EXD3: variants seen among roughly 807,000 people sequenced by gnomAD.
EXD3 encodes exonuclease mut-7 homolog.
EXD3 carries 92 observed loss-of-function variants against 98.0 expected under a neutral mutation model. The observed-to-expected ratio is 0.94, with a 90% CI of 0.79 to 1.12. EXD3 has a LOEUF of 1.12. EXD3 is among the 50% of genes most tolerant of loss of function. The pLI is 0.00. For missense variants in EXD3, 1,222 were observed against 1,191.6 expected, an observed-to-expected ratio of 1.03 and a Z score of -0.38; for synonymous variants, 569 against 526.0, an observed-to-expected ratio of 1.08 and a Z score of -1.12.
intron 17 of EXD3, among the ~76,000 whole-genome samples, chr9:137,327,535 A>G (rs1467575064): frequency 6.6e-6 from 1 of 152,174 alleles, no homozygotes; most frequent in Admixed American, 6.5e-5. Flanking sequence ...ACACTTAAAA[A>G]TGGTTAAAAT....
chr9:137,388,080 G>A (rs1836699140), intron 2 of EXD3, among the ~76,000 whole-genome samples: 1 of 152,148 alleles, frequency 6.6e-6, no homozygotes, highest in South Asian at 2.1e-4. Flanking sequence ...AAAAACTCAA[G>A]CTCAAGAATA....
chr9:137,351,279 C>T (rs1230207247), intron 13 of EXD3, 39 bp downstream of exon 13: 2 of 1,583,568 alleles, frequency 1.3e-6, no homozygotes, highest in South Asian at 1.1e-5. Flanking sequence ...GGGCTGCTTT[C>T]TTTCTGGACT....
At chr9:137,335,201 G>C (rs949605570) in intron 17 of EXD3, among the ~76,000 whole-genome samples, 1 of 151,818 alleles carries the variant, frequency 6.6e-6, no homozygotes, top group Non-Finnish European at 1.5e-5. Context: ...AAACAAATCC[G>C]CAAGAAAAAA....
chr9:137,352,204 G>C lies in EXD3; in HGVS notation c.1038-3C>G, dbSNP rs1834342628. 1 of 1,612,432 alleles carries C rather than the reference G, an allele frequency of 6.2e-7. No individual in the cohort carries two copies. The highest frequency in any genetic ancestry group is 1.3e-5 in the African/African-American group (1 of 74,926). On this transcript the variant is annotated splice_polypyrimidine_tract_variant and splice_region_variant and intron_variant, in intron 11 of 21. Transcript: ENST00000340951. ...GCCTCGAGTCAGCCTCAGTCGCCCTGGGAGGAGCAGAGCTGGTAGCGCCCC... is the reference window on the plus strand; with the variant it reads ...GCCTCGAGTCAGCCTCAGTCGCCCTCGGAGGAGCAGAGCTGGTAGCGCCCC...
chr9:137,398,794 G>C, intron 1 of EXD3, among the ~76,000 whole-genome samples: 1 of 129,328 alleles, frequency 7.7e-6, no homozygotes, highest in South Asian at 2.5e-4. Flanking sequence ...AGGCACCCGC[G>C]TCCCCGTGAC....
Position 137,395,824 on chromosome 9 carries a change from C to T in EXD3, c.-47-420G>A, listed in dbSNP as rs2131770980. On this transcript the variant is annotated intron_variant, in intron 1 of 21. Transcript: ENST00000340951. This position sits in a 1 kb window ranked among gnomAD's most constrained non-coding sequence, Gnocchi z 6.5. ...GCTCTCCTCCAGAGGGCAAGGGCGC[C>T]TGCAGGACCAGGGACCTCGGAGTGA... is the stretch of plus-strand genomic sequence containing the variant. Among the ~76,000 whole-genome samples, 1 of 152,314 alleles carries T rather than the reference C, an allele frequency of 6.6e-6. No homozygotes were observed. Among genetic ancestry groups the T allele is most frequent in the African/African-American group, 2.4e-5 (1 of 41,582 alleles).
intron 3 of EXD3, among the ~76,000 whole-genome samples, chr9:137,378,639 T>C (rs1208833648): frequency 6.6e-6 from 1 of 152,246 alleles, no homozygotes; most frequent in South Asian, 2.1e-4. Flanking sequence ...AGAAACAGCA[T>C]GTGGCCTGGC....
At chr9:137,402,165 G>A (rs1190544803) in intron 1 of EXD3, among the ~76,000 whole-genome samples, 4 of 152,058 alleles carry the variant, frequency 2.6e-5, no homozygotes, top group African/African-American at 9.7e-5. Context: ...ACAGGTGCGT[G>A]CCACCACGCC....
chr9:137,327,530 TA>T (rs1161486036), intron 17 of EXD3, among the ~76,000 whole-genome samples: 4 of 152,104 alleles, frequency 2.6e-5, no homozygotes, highest in African/African-American at 7.2e-5. Context: ...ATTGTACACT[TA>T]AAAATGGTTA....
chr9:137,396,672 G>A (rs917350787), intron 1 of EXD3, among the ~76,000 whole-genome samples: 3 of 152,204 alleles, frequency 2.0e-5, no homozygotes, highest in African/African-American at 7.2e-5. Flanking sequence ...AAAAAGTTAC[G>A]TGGACATCGT....
chr9:137,400,552 G>C (rs557245630), intron 1 of EXD3, among the ~76,000 whole-genome samples: 5 of 152,186 alleles, frequency 3.3e-5, no homozygotes, highest in African/African-American at 1.2e-4. Context: ...GATCACCTGA[G>C]GTCGGGAGTT....
At chr9:137,418,573 C>T (rs6422889) in intron 1 of EXD3, among the ~76,000 whole-genome samples, 98,383 of 152,076 alleles carry the variant, frequency 0.65, 32,053 homozygotes, top group Admixed American at 0.69. Context: ...TTCAAAATTA[C>T]TCGCTGAGTT....
chr9:137,422,613 C>T (rs1286032135), intron 1 of EXD3, among the ~76,000 whole-genome samples: 1 of 152,230 alleles, frequency 6.6e-6, no homozygotes, highest in Non-Finnish European at 1.5e-5. Flanking sequence ...ATAAACCCAC[C>T]GGGCACCACA....
chr9:137,311,047 G>T (rs1010523087), intron 19 of EXD3, among the ~76,000 whole-genome samples: 1 of 152,244 alleles, frequency 6.6e-6, no homozygotes, highest in Admixed American at 6.5e-5. Flanking sequence ...CTTCCCCTGA[G>T]CCTTTCGAAA....
intron 1 of EXD3, among the ~76,000 whole-genome samples, chr9:137,422,870 CG>C (rs1169222343): frequency 6.6e-6 from 1 of 152,114 alleles, no homozygotes; most frequent in Non-Finnish European, 1.5e-5. Flanking sequence ...GCGGGGTCGC[CG>C]GGGTCGGCTC....
chr9:137,316,055 C>G (rs917468845), intron 19 of EXD3, among the ~76,000 whole-genome samples: 2 of 144,514 alleles, frequency 1.4e-5, no homozygotes, highest in African/African-American at 5.1e-5. Context: ...TTCCCCTCCC[C>G]CCTCGCCCCC....
chr9:137,400,029 C>CAAAAAAAAAAAAAAAAAAAAAAAAAA (rs36029399), intron 1 of EXD3, among the ~76,000 whole-genome samples: 1 of 73,330 alleles, frequency 1.4e-5, no homozygotes, highest in Non-Finnish European at 2.6e-5. Context: ...AACTCCATCT[C>CAAAAAAAAAAAAAAAAAAAAAAAAAA]AAAAAAAAAA....
chr9:137,391,818 G>T (rs969745456), intron 2 of EXD3: 1 of 152,146 alleles, frequency 6.6e-6, no homozygotes, highest in African/African-American at 2.4e-5. Flanking sequence ...AAAAGCTGAA[G>T]TTTTTTATTT....
intron 1 of EXD3, among the ~76,000 whole-genome samples, chr9:137,414,623 G>T (rs560120526): frequency 2.6e-5 from 4 of 152,040 alleles, no homozygotes; most frequent in African/African-American, 9.7e-5. Context: ...CGCCTGTTGC[G>T]GTCTGTCTTT....
Sources: allele counts gnomAD v4.1 joint callset (sites outside exome capture counted in the v4.1 genomes callset), GRCh38; gene constraint gnomAD v4.1.1; non-coding constraint Gnocchi (gnomAD v3.1); transcripts MANE v1.5; gene names NCBI Gene and HGNC (gene_info 2026-07-23, HGNC 2026-07-21).